The following TENM3 variants were observed in gnomAD, a reference collection of about 807,000 sequenced individuals.
TENM3 encodes teneurin transmembrane protein 3, also known as teneurin-3.
TENM3 carries 63 observed loss-of-function variants against 255.1 expected under a neutral mutation model. The observed-to-expected ratio is 0.25, with a 90% CI of 0.20 to 0.30. The LOEUF (loss-of-function observed/expected upper bound fraction) is 0.30, where lower values mean the gene tolerates loss of function less well. TENM3 is among the 10% of genes least tolerant of loss of function. TENM3 has a pLI of 1.00. For missense variants in TENM3, 2,929 were observed against 3,461.1 expected (o/e 0.85, Z 3.86); for synonymous variants, 1,306 against 1,322.3 (o/e 0.99, Z 0.27).
the TENM3 span, among the ~76,000 whole-genome samples, chr4:181,980,901 TGAAGA>T: frequency 1.3e-5 from 2 of 152,152 alleles, no homozygotes; most frequent in African/African-American, 4.8e-5. Context: ...TTAAATGTCC[TGAAGA>T]GAAATCTAAT....
At chr4:181,539,900 T>C in the TENM3 span, among the ~76,000 whole-genome samples, 1 of 152,236 alleles carries the variant, frequency 6.6e-6, no homozygotes, top group Non-Finnish European at 1.5e-5. Flanking sequence ...TACAACTATT[T>C]GGGCATATTA....
the TENM3 span, among the ~76,000 whole-genome samples, chr4:182,068,869 TTATC>T: frequency 1.3e-4 from 20 of 152,174 alleles, no homozygotes; most frequent in Non-Finnish European, 2.1e-4. Context: ...ATGATAATCA[TTATC>T]TATGAGTACA....
At chr4:181,983,867 A>G in the TENM3 span, among the ~76,000 whole-genome samples, 7 of 152,226 alleles carry the variant, frequency 4.6e-5, no homozygotes, top group African/African-American at 1.4e-4. Flanking sequence ...TTTGTACTCT[A>G]TATCTGTGCA....
At position 182,365,907 on chromosome 4, in the gene TENM3, G is replaced by C. The variant is rs182909553; in HGVS notation, c.511+18978G>C. 2.1e-3 allele frequency among the ~76,000 whole-genome samples: 325 copies of C among 152,286 alleles called. 5 individuals are homozygous for C. Among genetic ancestry groups the C allele is most frequent in the Non-Finnish European group, 1.8e-3 (125 of 68,018 alleles). ...AATCTGTACAGCCTGTTACTGTACA[G>C]AATACCGCAGGCATTCATAACACAA... On this transcript the variant is annotated intron_variant, in intron 3 of 27. Transcript: ENST00000511685.
intron 3 of TENM3, among the ~76,000 whole-genome samples, chr4:182,492,880 TC>T (rs1735433596): frequency 6.6e-6 from 1 of 151,710 alleles, no homozygotes; most frequent in African/African-American, 2.4e-5. Flanking sequence ...TTTTATTTCA[TC>T]ATGTCAACAT....
chr4:181,796,614 C>T, the TENM3 span, among the ~76,000 whole-genome samples: 2 of 152,112 alleles, frequency 1.3e-5, no homozygotes, highest in South Asian at 4.1e-4. Flanking sequence ...GGGGCCCACA[C>T]ATGAGAGGCG....
chr4:182,768,224 T>C (rs1420689998), intron 22 of TENM3, among the ~76,000 whole-genome samples: 1 of 152,196 alleles, frequency 6.6e-6, no homozygotes, highest in East Asian at 1.9e-4. Flanking sequence ...AAGCAGAAGA[T>C]AATTTTAAAA....
At chr4:181,996,107 C>A in the TENM3 span, among the ~76,000 whole-genome samples, 100 of 150,122 alleles carry the variant, frequency 6.7e-4, no homozygotes, top group African/African-American at 2.1e-3. Flanking sequence ...CGCTATTGAT[C>A]AAGCACCTAG....
At chr4:182,482,768 G>T (rs1248917206) in intron 3 of TENM3, among the ~76,000 whole-genome samples, 1 of 152,102 alleles carries the variant, frequency 6.6e-6, no homozygotes, top group Non-Finnish European at 1.5e-5. Flanking sequence ...TATTACACAG[G>T]AATATGGTCT....
chr4:182,773,348 G>C (rs6848256), intron 22 of TENM3, 124 bp from the exon 23 acceptor site: 2 of 833,096 alleles, frequency 2.4e-6, no homozygotes, highest in Non-Finnish European at 3.7e-6. Context: ...ACTCTGCATC[G>C]CTCATCCACG....
the TENM3 span, among the ~76,000 whole-genome samples, chr4:182,105,912 T>C: frequency 3.9e-4 from 59 of 152,334 alleles, no homozygotes; most frequent in Non-Finnish European, 6.8e-4. Context: ...ATGTCCTAAC[T>C]GCCCTGGCTT....
chr4:182,779,844 G>A (rs1765022352), intron 24 of TENM3, among the ~76,000 whole-genome samples: 1 of 152,166 alleles, frequency 6.6e-6, no homozygotes, highest in South Asian at 2.1e-4. Context: ...TTTTTTGGCT[G>A]CATAAATGTC....
intron 3 of TENM3, among the ~76,000 whole-genome samples, chr4:182,506,712 A>G (rs1160771237): frequency 2.6e-5 from 4 of 152,250 alleles, no homozygotes; most frequent in Non-Finnish European, 4.4e-5. Context: ...GATATTGTAC[A>G]TAAAAGATTA....
the TENM3 span, among the ~76,000 whole-genome samples, chr4:181,720,971 A>G: frequency 2.0e-5 from 3 of 152,140 alleles, no homozygotes; most frequent in African/African-American, 7.2e-5. Flanking sequence ...GACTGATGCC[A>G]AAACAGGGCC....
chr4:182,452,218 T>C (rs762049826), intron 3 of TENM3, among the ~76,000 whole-genome samples: 4 of 152,144 alleles, frequency 2.6e-5, no homozygotes, highest in Non-Finnish European at 5.9e-5. Flanking sequence ...CTTAAGGATA[T>C]TTGAATGTTG....
chr4:181,595,446 A>AAAAAAAACAG, the TENM3 span, among the ~76,000 whole-genome samples: 571 of 145,096 alleles, frequency 3.9e-3, no homozygotes, highest in Middle Eastern at 8.1e-3. Context: ...AAAAAAAAAA[A>AAAAAAAACAG]AAAAAAAACA....
At chr4:181,908,763 A>G in the TENM3 span, among the ~76,000 whole-genome samples, 1 of 152,040 alleles carries the variant, frequency 6.6e-6, no homozygotes, top group South Asian at 2.1e-4. Context: ...GGAGTAAAAG[A>G]TAGTGTTACA....
At chr4:182,098,493 C>T in the TENM3 span, among the ~76,000 whole-genome samples, 2 of 152,158 alleles carry the variant, frequency 1.3e-5, no homozygotes, top group Non-Finnish European at 2.9e-5. Context: ...CAATGGAGTA[C>T]TATTCAGCCA....
At chr4:181,650,874 C>G in the TENM3 span, among the ~76,000 whole-genome samples, 1 of 152,160 alleles carries the variant, frequency 6.6e-6, no homozygotes, top group Non-Finnish European at 1.5e-5. Context: ...CTTTATCTTC[C>G]CTTTGAGTCC....
Sources: allele counts gnomAD v4.1 joint callset (sites outside exome capture counted in the v4.1 genomes callset), GRCh38; gene constraint gnomAD v4.1.1; transcripts MANE v1.5; gene names NCBI Gene and HGNC (gene_info 2026-07-23, HGNC 2026-07-21).